The following LYPD6B variants were observed in gnomAD, a reference collection of about 807,000 sequenced individuals.
LYPD6B encodes the protein LY6/PLAUR domain containing 6B, also known as ly6/PLAUR domain-containing protein 6B.
LYPD6B carries 17 observed loss-of-function variants against 22.8 expected under a neutral mutation model. That is an observed-to-expected ratio of 0.75 (90% CI 0.51 to 1.12). The LOEUF (loss-of-function observed/expected upper bound fraction) is 1.12, where lower values mean the gene tolerates loss of function less well. LYPD6B is among the 50% of genes most tolerant of loss of function. The pLI is 0.00. For missense variants in LYPD6B, 221 were observed against 258.3 expected (o/e 0.86, Z 0.99); for synonymous variants, 106 against 91.6 (o/e 1.16, Z -0.90).
intron 4 of LYPD6B, among the ~76,000 whole-genome samples, chr2:149,207,111 A>G (rs1371333371): frequency 1.2e-4 from 18 of 152,166 alleles, no homozygotes; most frequent in Non-Finnish European, 1.5e-5. Flanking sequence ...CATTGACTGT[A>G]AGTATTTTTT....
At chr2:149,061,576 T>C (rs1292261640) in intron 1 of LYPD6B, among the ~76,000 whole-genome samples, 1 of 152,096 alleles carries the variant, frequency 6.6e-6, no homozygotes, top group African/African-American at 2.4e-5. Flanking sequence ...TAGTATTTAT[T>C]GGTGTGCAAC....
chr2:149,212,487 C>T (rs771010458), intron 5 of LYPD6B, among the ~76,000 whole-genome samples: 7 of 149,968 alleles, frequency 4.7e-5, no homozygotes, highest in Non-Finnish European at 7.4e-5. Flanking sequence ...ATGTATAATT[C>T]GAAGCACCTG....
At chr2:149,095,124 C>T (rs769031038) in intron 1 of LYPD6B, among the ~76,000 whole-genome samples, 30 of 151,880 alleles carry the variant, frequency 2.0e-4, no homozygotes, top group African/African-American at 4.6e-4. Context: ...GGTGAAACCT[C>T]GTCTCTACTA....
At chr2:149,158,048 T>C (rs1225067941) in intron 2 of LYPD6B, among the ~76,000 whole-genome samples, 2 of 152,142 alleles carry the variant, frequency 1.3e-5, no homozygotes, top group East Asian at 3.9e-4. Flanking sequence ...TTAATTAAGA[T>C]TGGGGTGGGG....
intron 4 of LYPD6B, among the ~76,000 whole-genome samples, chr2:149,206,374 G>T (rs1381933916): frequency 6.6e-6 from 1 of 151,842 alleles, no homozygotes; most frequent in East Asian, 1.9e-4. Context: ...AGTCATCTCT[G>T]TGTGTGTGTG....
Position 149,189,357 on chromosome 2 carries a change from TATATATATATAC to T in LYPD6B, c.78-15894_78-15883del, listed in dbSNP as rs1355875611. 1.1e-4 allele frequency among the ~76,000 whole-genome samples: 9 copies of T among 85,120 alleles called. 1 individual carries two copies. The highest frequency in any genetic ancestry group is 4.7e-4 in the South Asian group (1 of 2,144). 55.8% of individuals were successfully genotyped at this position (85,120 alleles called of 152,430 possible). A position where few individuals can be genotyped will look rare whatever the true frequency, so the allele number is the denominator to read the frequency against. ...TTGTCCAAAATTATATATATATATA[TATATATATATAC>T]ACACACATATGTATATATGTATATA... On this transcript the variant is annotated intron_variant, in intron 3 of 6. Coordinates refer to ENST00000409642, the MANE Select transcript of LYPD6B (RefSeq NM_177964.5).
chr2:149,178,007 T>C (rs1691443902), intron 3 of LYPD6B, among the ~76,000 whole-genome samples: 1 of 152,202 alleles, frequency 6.6e-6, no homozygotes, highest in Admixed American at 6.5e-5. Flanking sequence ...AACATTTAAG[T>C]ATTACTGTCC....
chr2:149,146,092 A>G (rs946778775), intron 2 of LYPD6B, among the ~76,000 whole-genome samples: 9 of 152,224 alleles, frequency 5.9e-5, no homozygotes, highest in African/African-American at 1.7e-4. Context: ...TTCTGTGCCA[A>G]TGACAATATG....
chr2:149,117,789 A>T (rs1264898114), intron 1 of LYPD6B, among the ~76,000 whole-genome samples: 2 of 152,200 alleles, frequency 1.3e-5, no homozygotes, highest in African/African-American at 4.8e-5. Flanking sequence ...GCTATGTAAC[A>T]AAGTACTCCA....
At chr2:149,182,526 G>A (rs1691812484) in intron 3 of LYPD6B, among the ~76,000 whole-genome samples, 1 of 152,178 alleles carries the variant, frequency 6.6e-6, no homozygotes, top group Non-Finnish European at 1.5e-5. Context: ...AAACAGACAT[G>A]GAAGACCTTA....
At chr2:149,185,909 CAT>C (rs1254843843) in intron 3 of LYPD6B, among the ~76,000 whole-genome samples, 1 of 152,154 alleles carries the variant, frequency 6.6e-6, no homozygotes, top group Non-Finnish European at 1.5e-5. Flanking sequence ...GAAATATACC[CAT>C]ATAAGGTGGT....
chr2:149,040,371 G>A (rs1451444881), intron 1 of LYPD6B, among the ~76,000 whole-genome samples: 2 of 152,082 alleles, frequency 1.3e-5, no homozygotes, highest in Admixed American at 1.3e-4. Flanking sequence ...AGTTACAGGC[G>A]CCGGCCACCA....
At chr2:149,125,040 C>T in intron 1 of LYPD6B, among the ~76,000 whole-genome samples, 1 of 152,172 alleles carries the variant, frequency 6.6e-6, no homozygotes, top group Non-Finnish European at 1.5e-5. Flanking sequence ...TGGTGTGGAT[C>T]GATGTGGTCA....
chr2:149,130,718 T>A (rs1687974137), intron 1 of LYPD6B, among the ~76,000 whole-genome samples, 165 bp from the exon 2 acceptor site: 1 of 152,224 alleles, frequency 6.6e-6, no homozygotes, highest in Non-Finnish European at 1.5e-5. Flanking sequence ...CTGTACAAAA[T>A]CTGGTCTTTC....
rs775057448 is a variant in LYPD6B at position 149,187,410 on chromosome 2, G to T, written c.78-17843G>T. ...CCATGACTTGATACAATTGTTATAA[G>T]ATTATTATTTTCTAGATGTGAAAGG... On this transcript the variant is annotated intron_variant, in intron 3 of 6. Transcript: ENST00000409642. 75 of 1,519,662 alleles carry T rather than the reference G, an allele frequency of 4.9e-5. No individual in the cohort carries two copies. The Middle Eastern group carries it at 1.6e-3, about 31-fold the overall frequency. The allele number at this position is 1,519,662 out of a possible 1,614,324, so 94.1% of individuals were successfully genotyped here. A position where few individuals can be genotyped will look rare whatever the true frequency, so the allele number is the denominator to read the frequency against.
chr2:149,118,863 T>C (rs1687139496), intron 1 of LYPD6B, among the ~76,000 whole-genome samples: 1 of 152,204 alleles, frequency 6.6e-6, no homozygotes. Context: ...TGTATCCCAT[T>C]AATATAAACA....
At chr2:149,171,420 A>G (rs1021373528) in intron 3 of LYPD6B, among the ~76,000 whole-genome samples, 1 of 152,054 alleles carries the variant, frequency 6.6e-6, no homozygotes, top group Non-Finnish European at 1.5e-5. Flanking sequence ...TCTTCATTTC[A>G]TCAGTATCTG....
At chr2:149,107,338 C>G (rs539753647) in intron 1 of LYPD6B, among the ~76,000 whole-genome samples, 1 of 152,162 alleles carries the variant, frequency 6.6e-6, no homozygotes, top group African/African-American at 2.4e-5. Flanking sequence ...GAAGCTGGAC[C>G]GTGTGATATT....
chr2:149,187,433 AG>A (rs1270770580), intron 3 of LYPD6B: 1 of 1,530,348 alleles, frequency 6.5e-7, no homozygotes, highest in East Asian at 2.5e-5. Flanking sequence ...TAGATGTGAA[AG>A]GCATTGTACA....
Sources: allele counts gnomAD v4.1 joint callset (sites outside exome capture counted in the v4.1 genomes callset), GRCh38; gene constraint gnomAD v4.1.1; transcripts MANE v1.5; gene names NCBI Gene and HGNC (gene_info 2026-07-23, HGNC 2026-07-21).